USP9X: variants seen among roughly 807,000 people sequenced by gnomAD.
The protein encoded by USP9X is ubiquitin carboxyl-terminal hydrolase 9X.
A neutral mutation model predicts 190.3 loss-of-function variants in USP9X; 7 were observed. That is an observed-to-expected ratio of 0.04 (90% confidence interval 0.02 to 0.07). The LOEUF is 0.07. Ranked by LOEUF, USP9X falls within the 10% of genes least tolerant of loss-of-function variation. USP9X has a pLI of 1.00. For synonymous variants in USP9X, 645 were observed against 659.5 expected (o/e 0.98, Z 0.34); for missense variants, 1,010 against 1,916.9 (o/e 0.53, Z 8.83).
intron 20 of USP9X, 200 bp from the exon 21 acceptor site, chrX:41,171,638 C>G (rs1388950269): frequency 1.0e-5 from 5 of 479,485 alleles, no homozygotes. Context: ...AAAAAAATGA[C>G]TGGAAGTGAC....
intron 44 of USP9X, 93 bp downstream of exon 44, chrX:41,230,689 G>A: frequency 1.3e-6 from 1 of 755,616 alleles, no homozygotes; most frequent in Non-Finnish European, 2.0e-6. Flanking sequence ...TGACTACAAA[G>A]TAAGAAGTAG....
At chrX:41,203,374 A>G (rs186720261) in intron 31 of USP9X, among the ~76,000 whole-genome samples, 84 of 112,095 alleles carry the variant, frequency 7.5e-4, no homozygotes, top group African/African-American at 2.5e-3. Flanking sequence ...GGCAACTACT[A>G]TTCTTTTTGT....
intron 20 of USP9X, chrX:41,171,515 A>G (rs905692876): frequency 5.8e-5 from 14 of 241,924 alleles, no homozygotes; most frequent in South Asian, 2.2e-4. Flanking sequence ...TTGGCTCTCT[A>G]TAACAACTGG....
At position 41,197,352 on chromosome X, in the gene USP9X, C is replaced by CCCCCAGG; in HGVS notation, c.4234-12_4234-11insCCCCAGG. The CCCCCAGG allele has an allele frequency of 2.0e-6, 2 of 988,211 alleles. No homozygotes were observed. The highest frequency in any genetic ancestry group is 2.6e-6 in the Non-Finnish European group (2 of 759,379). 81.4% of individuals were successfully genotyped at this position (988,211 alleles called of 1,213,427 possible). A position where few individuals can be genotyped will look rare whatever the true frequency, so the allele number is the denominator to read the frequency against. ...TTCTTCCCCCCCCCACCCCACCCCC[C>CCCCCAGG]GCCTTTGGCAGGATGATGTTAAAAG... On this transcript the variant is annotated splice_polypyrimidine_tract_variant and intron_variant, in intron 28 of 44. Coordinates refer to ENST00000378308, the MANE Select transcript of USP9X (RefSeq NM_001039591.3).
At chrX:41,195,129 C>T (rs1367373666) in intron 26 of USP9X, among the ~76,000 whole-genome samples, 6 of 109,745 alleles carry the variant, frequency 5.5e-5, no homozygotes, top group Admixed American at 3.9e-4. Flanking sequence ...CTCCGCCTTC[C>T]GGGTTCAAGC....
intron 22 of USP9X, 108 bp from the exon 23 acceptor site, chrX:41,184,285 ATAAT>A (rs769584925): frequency 2.7e-4 from 267 of 1,005,377 alleles, no homozygotes; most frequent in Non-Finnish European, 3.4e-4. Context: ...TTTGAAATAA[ATAAT>A]AGTGAGATGG....
intron 1 of USP9X, among the ~76,000 whole-genome samples, chrX:41,087,345 G>C (rs2061920914): frequency 8.9e-6 from 1 of 111,840 alleles, no homozygotes; most frequent in Admixed American, 9.4e-5. Context: ...AACCCTCTCG[G>C]AGCTGATTAC....
chrX:41,098,483 C>T (rs753382821), intron 1 of USP9X, among the ~76,000 whole-genome samples: 2 of 109,569 alleles, frequency 1.8e-5, no homozygotes, highest in African/African-American at 3.3e-5. Flanking sequence ...TTTTGAACTT[C>T]GGATAAATGG....
intron 1 of USP9X, among the ~76,000 whole-genome samples, chrX:41,119,005 A>G (rs1363788864): frequency 8.9e-6 from 1 of 111,790 alleles, no homozygotes; most frequent in African/African-American, 3.3e-5. Flanking sequence ...ATTGAGAAGC[A>G]GTTATTTGAT....
intron 1 of USP9X, among the ~76,000 whole-genome samples, chrX:41,093,933 G>C (rs2061971145): frequency 9.0e-6 from 1 of 111,729 alleles, no homozygotes; most frequent in Non-Finnish European, 1.9e-5. Flanking sequence ...CACATTTTCG[G>C]GAATGTGAAA....
At chrX:41,167,647 G>GA (rs2062689432) in intron 17 of USP9X, 70 bp downstream of exon 17, 1 of 769,716 alleles carries the variant, frequency 1.3e-6, no homozygotes, top group Admixed American at 3.5e-5. Context: ...ATACAAAAGA[G>GA]AAAAAATATT....
chrX:41,177,693 T>C (rs980947822), intron 21 of USP9X, among the ~76,000 whole-genome samples: 2 of 112,396 alleles, frequency 1.8e-5, no homozygotes, highest in African/African-American at 6.5e-5. Context: ...ACTATGATGG[T>C]TGCAAAATGG....
Position 41,218,360 on chromosome X carries a change from GTTTTA to G in USP9X, c.6210-6_6210-2del. The stretch of plus-strand genomic sequence containing the variant: ...TGACTTAATAGTCATAGGTTTTTTT[GTTTTA>G]TTTTAGGTATGATGCATTGTGTATT... On this transcript the variant is annotated splice_region_variant and splice_polypyrimidine_tract_variant and intron_variant, in intron 36 of 44. Transcript: ENST00000378308. 5 of 1,201,003 alleles carry G rather than the reference GTTTTA, an allele frequency of 4.2e-6. No homozygotes were observed. Among genetic ancestry groups the G allele is most frequent in the Non-Finnish European group, 5.6e-6 (5 of 890,679 alleles).
intron 1 of USP9X, among the ~76,000 whole-genome samples, chrX:41,092,419 C>T (rs1203321377): frequency 2.7e-5 from 3 of 110,833 alleles, no homozygotes; most frequent in Admixed American, 9.6e-5. Flanking sequence ...TGGAAGTTAC[C>T]GTATAGTATT....
At chrX:41,138,468 A>T (rs190508299) in intron 6 of USP9X, among the ~76,000 whole-genome samples, 1 of 112,125 alleles carries the variant, frequency 8.9e-6, no homozygotes, top group African/African-American at 3.2e-5. Flanking sequence ...ACCTTTGAGA[A>T]ATTTGAGTTA....
At chrX:41,095,587 A>G (rs189145549) in intron 1 of USP9X, among the ~76,000 whole-genome samples, 2 of 112,167 alleles carry the variant, frequency 1.8e-5, no homozygotes, top group Admixed American at 1.9e-4. Context: ...AGTAAGAACT[A>G]GTAGGAGAGT....
chrX:41,149,785 C>T (rs1032447238), intron 12 of USP9X, among the ~76,000 whole-genome samples: 1 of 109,544 alleles, frequency 9.1e-6, no homozygotes, highest in Non-Finnish European at 1.9e-5. Context: ...CTCACTGCAA[C>T]CTCCGCCTCC....
intron 10 of USP9X, among the ~76,000 whole-genome samples, chrX:41,144,199 A>G (rs1216431907): frequency 1.9e-5 from 2 of 105,148 alleles, no homozygotes; most frequent in Non-Finnish European, 3.9e-5. Context: ...TGGCAGTTCT[A>G]AAGCATTTTA....
intron 15 of USP9X, among the ~76,000 whole-genome samples, chrX:41,163,751 T>A (rs1342003796): frequency 2.0e-4 from 21 of 102,494 alleles, no homozygotes; most frequent in African/African-American, 4.6e-4. Flanking sequence ...AAAAAAAAAA[T>A]TTTTTTTTTA....
Sources: allele counts gnomAD v4.1 joint callset (sites outside exome capture counted in the v4.1 genomes callset), GRCh38; gene constraint gnomAD v4.1.1; transcripts MANE v1.5; gene names NCBI Gene and HGNC (gene_info 2026-07-23, HGNC 2026-07-21).